C1orf146: variants seen among roughly 807,000 people sequenced by gnomAD.
C1orf146 encodes the protein protein SPO16 homolog.
C1orf146 carries 22 observed loss-of-function variants against 23.0 expected under a neutral mutation model. That is an observed-to-expected ratio of 0.96 (90% CI 0.68 to 1.36). C1orf146 has a LOEUF of 1.36. C1orf146 is among the 40% of genes most tolerant of loss of function. C1orf146 has a pLI of 0.00. For missense variants in C1orf146, 199 were observed against 206.8 expected (o/e 0.96, Z 0.23); for synonymous variants, 59 against 65.3 (o/e 0.90, Z 0.47).
At chr1:92,226,643 T>C (rs571881421) in intron 1 of C1orf146, among the ~76,000 whole-genome samples, 2 of 152,344 alleles carry the variant, frequency 1.3e-5, no homozygotes, top group South Asian at 4.1e-4. Context: ...ATCCTTTTAC[T>C]TTCACCCTTT....
intron 1 of C1orf146, among the ~76,000 whole-genome samples, chr1:92,226,696 T>G (rs1430266045): frequency 1.3e-5 from 2 of 152,198 alleles, no homozygotes; most frequent in Non-Finnish European, 2.9e-5. Flanking sequence ...AAGCAGCATA[T>G]GGTTTTTCCC....
At chr1:92,228,403 G>A (rs925668552) in intron 1 of C1orf146, among the ~76,000 whole-genome samples, 20 of 152,242 alleles carry the variant, frequency 1.3e-4, no homozygotes, top group African/African-American at 4.6e-4. Context: ...CTCTTTGTAT[G>A]CCTGGGTATT....
At chr1:92,231,083 G>A (rs1448157108) in intron 1 of C1orf146, among the ~76,000 whole-genome samples, 1 of 152,182 alleles carries the variant, frequency 6.6e-6, no homozygotes, top group Non-Finnish European at 1.5e-5. Flanking sequence ...AACTCTGGCA[G>A]GCTAACTTTT....
intron 4 of C1orf146, 130 bp downstream of exon 4, chr1:92,244,515 C>A: frequency 1.3e-6 from 1 of 759,240 alleles, no homozygotes. Flanking sequence ...TTTAATGAAA[C>A]ATGGGCCAAA....
Position 92,244,305 on chromosome 1 carries a change from T to G in C1orf146, c.249T>G (p.Ile83Met). The G allele has an allele frequency of 6.2e-7, 1 of 1,610,050 alleles. No individual in the cohort carries two copies. Among genetic ancestry groups the G allele is most frequent in the Non-Finnish European group, 8.5e-7 (1 of 1,176,652 alleles). ...FLAKIEKFIN[I>M]HQNSFLVLSA... ...CCAAAATTGAGAAATTTATTAACAT[T>G]CACCAAAATAGTTTTTTGGTTTTGT... Residue 83 changes from isoleucine to methionine, a missense_variant, in exon 4 of 6, where the codon ATT becomes ATG. Coordinates refer to ENST00000370375, the MANE Select transcript of C1orf146 (RefSeq NM_001012425.2).
At chr1:92,244,044 A>G (rs1040513050) in intron 3 of C1orf146, among the ~76,000 whole-genome samples, 173 bp from the exon 4 acceptor site, 2 of 152,078 alleles carry the variant, frequency 1.3e-5, no homozygotes, top group Admixed American at 6.5e-5. Context: ...ACTTCAAAGA[A>G]CTACCTAAAT....
rs1248800198 is a variant in C1orf146, at chr1:92,244,369, T to C, written c.313T>C (p.Phe105Leu). ...TGGGCCTGAAGAATGGAAACTGATGTTCAGGATTCAGCAGAGGTATGGAAG... is the reference window on the plus strand; with the variant it reads ...TGGGCCTGAAGAATGGAAACTGATGCTCAGGATTCAGCAGAGGTATGGAAG... ...LHGPEEWKLM[F>L]RIQQRFLGCN... Residue 105 changes from phenylalanine to leucine, a missense_variant, in exon 4 of 6, where the codon TTC (phenylalanine) becomes CTC (leucine). Physicochemically the swap from Phe to Leu is conservative, Grantham distance 22. Transcript: ENST00000370375. The C allele has an allele frequency of 6.2e-7, 1 of 1,605,526 alleles. No individual in the cohort carries two copies. Among genetic ancestry groups the C allele is most frequent in the African/African-American group, 1.3e-5 (1 of 74,242 alleles).
At chr1:92,229,402 C>T in intron 1 of C1orf146, 1 of 535,860 alleles carries the variant, frequency 1.9e-6, no homozygotes, top group South Asian at 1.5e-5. Flanking sequence ...ATGGTGATGA[C>T]CTGGCCGTCG....
intron 2 of C1orf146, 103 bp from the exon 3 acceptor site, chr1:92,242,105 TTAAG>T: frequency 1.9e-6 from 1 of 529,992 alleles, no homozygotes; most frequent in Non-Finnish European, 3.2e-6. Flanking sequence ...GATCATATCT[TTAAG>T]TGGTAGTTAT....
In C1orf146 at chr1:92,233,541, T is replaced by C. The variant is rs562332614; in HGVS notation, c.66+2055T>C. 5.5e-3 allele frequency among the ~76,000 whole-genome samples: 841 copies of C among 152,144 alleles called. 4 individuals are homozygous for C. The highest frequency in any genetic ancestry group is 0.01 in the Admixed American group (157 of 15,266). On this transcript the variant is annotated intron_variant, in intron 2 of 5. Coordinates refer to ENST00000370375, the MANE Select transcript of C1orf146 (RefSeq NM_001012425.2). ...TGTAGTATAGTTTGAAGTCAGGTAG[T>C]GTGATGCCTCCAGCTTTGTTCTTTT...
At chr1:92,244,419 T>G in intron 4 of C1orf146, 34 bp downstream of exon 4, 1 of 1,469,250 alleles carries the variant, frequency 6.8e-7, no homozygotes, top group East Asian at 2.3e-5. Context: ...CTTATTTTTC[T>G]TATATTGTAT....
chr1:92,235,967 A>G (rs1232981549), intron 2 of C1orf146, among the ~76,000 whole-genome samples: 2 of 151,952 alleles, frequency 1.3e-5, no homozygotes, highest in South Asian at 2.1e-4. Context: ...TGTTTGGTAG[A>G]TCTTCCTCCA....
intron 1 of C1orf146, among the ~76,000 whole-genome samples, chr1:92,227,694 T>C (rs1652002540): frequency 6.6e-6 from 1 of 152,234 alleles, no homozygotes; most frequent in East Asian, 1.9e-4. Flanking sequence ...TGATATCCTA[T>C]GTTGACAATT....
At chr1:92,231,285 C>G in intron 1 of C1orf146, 97 bp from the exon 2 acceptor site, 1 of 579,160 alleles carries the variant, frequency 1.7e-6, no homozygotes, top group Middle Eastern at 4.0e-4. Context: ...TTCAAATATT[C>G]TTTAAAATGT....
intron 2 of C1orf146, among the ~76,000 whole-genome samples, chr1:92,235,267 A>C (rs1218919843): frequency 6.6e-6 from 1 of 152,088 alleles, no homozygotes; most frequent in African/African-American, 2.4e-5. Flanking sequence ...ATTTCCCTCT[A>C]CACACTGCTT....
intron 1 of C1orf146, chr1:92,228,954 A>G: frequency 2.3e-6 from 1 of 429,384 alleles, no homozygotes; most frequent in Non-Finnish European, 4.5e-6. Flanking sequence ...TGCCAGGGAC[A>G]AATTTATACT....
At chr1:92,232,467 C>A (rs1487706243) in intron 2 of C1orf146, among the ~76,000 whole-genome samples, 1 of 152,060 alleles carries the variant, frequency 6.6e-6, no homozygotes, top group African/African-American at 2.4e-5. Context: ...GCATAGTATT[C>A]CATGGTGTAT....
intron 1 of C1orf146, among the ~76,000 whole-genome samples, chr1:92,230,366 A>T (rs964811190): frequency 2.0e-5 from 3 of 152,094 alleles, no homozygotes; most frequent in African/African-American, 7.2e-5. Flanking sequence ...TAATCCCAGC[A>T]CTTTGGGAGG....
intron 1 of C1orf146, among the ~76,000 whole-genome samples, chr1:92,227,900 T>C (rs1652008699): frequency 1.3e-5 from 2 of 152,180 alleles, no homozygotes; most frequent in African/African-American, 4.8e-5. Flanking sequence ...GATTTATTAT[T>C]GCTCTTGAAC....
Sources: allele counts gnomAD v4.1 joint callset (sites outside exome capture counted in the v4.1 genomes callset), GRCh38; gene constraint gnomAD v4.1.1; transcripts MANE v1.5; gene names NCBI Gene and HGNC (gene_info 2026-07-23, HGNC 2026-07-21).